The following CIMAP3 variants were observed in gnomAD, a reference collection of about 807,000 sequenced individuals.
The protein encoded by CIMAP3 is ciliary microtubule associated protein 3.
chr1:111,334,096 G>T, the CIMAP3 span, among the ~76,000 whole-genome samples: 1 of 152,168 alleles, frequency 6.6e-6, no homozygotes. Context: ...GTGACATAAA[G>T]CATATTTCAC....
chr1:111,334,770 C>T, the CIMAP3 span, among the ~76,000 whole-genome samples: 1 of 151,810 alleles, frequency 6.6e-6, no homozygotes, highest in Non-Finnish European at 1.5e-5. Context: ...TCATTAGAGG[C>T]TCTCAACGGC....
chr1:111,325,244 G>A, the CIMAP3 span, among the ~76,000 whole-genome samples: 1 of 152,034 alleles, frequency 6.6e-6, no homozygotes, highest in Non-Finnish European at 1.5e-5. Context: ...AAATTCTTAT[G>A]GCATCCTTAG....
the CIMAP3 span, among the ~76,000 whole-genome samples, chr1:111,336,347 C>T: frequency 0.12 from 17,667 of 152,126 alleles, 1,171 homozygotes; most frequent in Non-Finnish European, 0.15. Context: ...CAAAGCTGGA[C>T]GGAGAATGAC....
chr1:111,344,363 T>C, the CIMAP3 span, among the ~76,000 whole-genome samples: 2 of 152,186 alleles, frequency 1.3e-5, no homozygotes, highest in Non-Finnish European at 2.9e-5. Flanking sequence ...CCCTTCTCCA[T>C]GGCCAACCTA....
At chr1:111,331,273 G>T in the CIMAP3 span, among the ~76,000 whole-genome samples, 1 of 152,208 alleles carries the variant, frequency 6.6e-6, no homozygotes, top group South Asian at 2.1e-4. Context: ...GAAGTTTTTT[G>T]ATATTATTTC....
At chr1:111,339,715 C>T in the CIMAP3 span, among the ~76,000 whole-genome samples, 3 of 151,566 alleles carry the variant, frequency 2.0e-5, 1 homozygote, top group African/African-American at 4.9e-5. Flanking sequence ...AGGATACAAA[C>T]AACTGGAAGA....
chr1:111,339,835 T>C, the CIMAP3 span, among the ~76,000 whole-genome samples: 11 of 151,508 alleles, frequency 7.3e-5, no homozygotes, highest in East Asian at 1.9e-4. Flanking sequence ...TGACTTTCTT[T>C]ACAGAATTGG....
chr1:111,325,048 G>C, the CIMAP3 span, among the ~76,000 whole-genome samples: 1 of 152,168 alleles, frequency 6.6e-6, no homozygotes, highest in African/African-American at 2.4e-5. Flanking sequence ...CAAATTATTT[G>C]TTTCAGCAAG....
the CIMAP3 span, among the ~76,000 whole-genome samples, chr1:111,334,382 A>G: frequency 4.7e-3 from 721 of 152,378 alleles, 3 homozygotes; most frequent in Non-Finnish European, 7.2e-3. Flanking sequence ...AAAAGGAGGC[A>G]GTGACCTAGC....
chr1:111,346,965 C>T, the CIMAP3 span: 14 of 1,613,900 alleles, frequency 8.7e-6, no homozygotes, highest in Non-Finnish European at 1.2e-5. Flanking sequence ...TTTTTCCTCA[C>T]TTCCATCCCC....
the CIMAP3 span, among the ~76,000 whole-genome samples, chr1:111,326,205 A>G: frequency 1.3e-5 from 2 of 152,146 alleles, no homozygotes; most frequent in Non-Finnish European, 2.9e-5. Context: ...ATTTGCTATC[A>G]ATAACCATAG....
chr1:111,347,632 T>TTTTTTGGTG, the CIMAP3 span: 1 of 1,199,734 alleles, frequency 8.3e-7, no homozygotes, highest in Admixed American at 2.1e-5. Flanking sequence ...CTTTTTTTTT[T>TTTTTTGGTG]TTTTTGGTGT....
At chr1:111,326,649 G>C in the CIMAP3 span, among the ~76,000 whole-genome samples, 1 of 152,008 alleles carries the variant, frequency 6.6e-6, no homozygotes, top group Admixed American at 6.6e-5. Context: ...TCTATTTTTA[G>C]ATTTTTGCAA....
the CIMAP3 span, among the ~76,000 whole-genome samples, chr1:111,337,701 C>T: frequency 1.2e-4 from 19 of 152,248 alleles, no homozygotes; most frequent in African/African-American, 4.6e-4. Context: ...TAAAGCAAGT[C>T]CTGAGTGACC....
the CIMAP3 span, among the ~76,000 whole-genome samples, chr1:111,325,195 G>A: frequency 2.0e-5 from 3 of 152,174 alleles, no homozygotes; most frequent in Non-Finnish European, 4.4e-5. Context: ...ATATAGGTTA[G>A]TCCCTCACTG....
chr1:111,350,900 T>C, the CIMAP3 span, among the ~76,000 whole-genome samples: 1 of 152,254 alleles, frequency 6.6e-6, no homozygotes, highest in Admixed American at 6.5e-5. Context: ...CTAGTGGAAC[T>C]TTTCATTAAT....
the CIMAP3 span, chr1:111,349,976 A>T: frequency 9.1e-6 from 6 of 659,784 alleles, no homozygotes; most frequent in South Asian, 1.2e-4. Flanking sequence ...CCCATGCTTA[A>T]TTAAAAAGCT....
the CIMAP3 span, among the ~76,000 whole-genome samples, chr1:111,334,624 G>A: frequency 6.6e-6 from 1 of 152,096 alleles, no homozygotes; most frequent in Non-Finnish European, 1.5e-5. Flanking sequence ...AGTTTTAAGG[G>A]AACTCAGTGA....
chr1:111,336,036 G>A, the CIMAP3 span, among the ~76,000 whole-genome samples: 5 of 152,176 alleles, frequency 3.3e-5, no homozygotes, highest in South Asian at 2.1e-4. Context: ...CAGCATTCGC[G>A]GTTCATGAAA....
Sources: allele counts gnomAD v4.1 joint callset (sites outside exome capture counted in the v4.1 genomes callset), GRCh38; gene constraint gnomAD v4.1.1; transcripts MANE v1.5; gene names NCBI Gene and HGNC (gene_info 2026-07-23, HGNC 2026-07-21).